The following PROKR2 variants were observed in gnomAD, a reference collection of about 807,000 sequenced individuals.
PROKR2 encodes G protein-coupled receptor 73-like 1.
In PROKR2, 26 loss-of-function variants were observed where a neutral mutation model predicts 23.4. That is an observed-to-expected ratio of 1.11 (90% CI 0.81 to 1.54). PROKR2 has a LOEUF of 1.54. PROKR2 is among the 40% of genes most tolerant of loss of function. The pLI is 0.00. For missense variants in PROKR2, 453 were observed against 511.5 expected (o/e 0.89, Z 1.10); for synonymous variants, 212 against 201.2 (o/e 1.05, Z -0.45).
At position 5,302,228 on chromosome 20, in the gene PROKR2, T is replaced by C; in HGVS notation, c.967A>G (p.Met323Val). The change falls in exon 3 of 3, where the codon ATG (methionine) becomes GTG (valine). Residue 323 changes from methionine (M) to valine (V), a missense_variant. Coordinates refer to ENST00000678254, the MANE Select transcript of PROKR2 (RefSeq NM_144773.4). ...TAFYVVECIA[M>V]SNSMINTVCF... is the part of the protein sequence containing the mutation. Reference sequence around the variant, plus strand: ...ACGGTGTTGATCATGCTGTTGCTCATGGCGATGCACTCGACCACGTAGAAG... The same window carrying C: ...ACGGTGTTGATCATGCTGTTGCTCACGGCGATGCACTCGACCACGTAGAAG... The C allele has an allele frequency of 6.2e-7, 1 of 1,614,210 alleles. No homozygotes were observed. Among genetic ancestry groups the C allele is most frequent in the Non-Finnish European group, 8.5e-7 (1 of 1,180,042 alleles).
intron 1 of PROKR2, among the ~76,000 whole-genome samples, chr20:5,314,642 TG>T (rs1979588808): frequency 6.6e-6 from 1 of 152,188 alleles, no homozygotes; most frequent in South Asian, 2.1e-4. Context: ...ACCTGAGATC[TG>T]TAAGTTGGGA....
At chr20:5,313,019 C>A (rs551629201) in intron 2 of PROKR2, among the ~76,000 whole-genome samples, 1 of 152,082 alleles carries the variant, frequency 6.6e-6, no homozygotes, top group Non-Finnish European at 1.5e-5. Context: ...TTGAATGTTT[C>A]CAACACAAAG....
chr20:5,316,560 T>G lies in PROKR2; in HGVS notation c.-75A>C. 2.9e-6 allele frequency: 1 copy of G among 345,564 alleles called. No homozygotes were observed. The highest frequency in any genetic ancestry group is 5.8e-6 in the Non-Finnish European group (1 of 172,590). The allele number at this position is 345,564 out of a possible 1,614,324, so 21.4% of individuals were successfully genotyped here. On this transcript the variant is annotated 5_prime_UTR_variant, in exon 1 of 3. Coordinates refer to ENST00000678254, the MANE Select transcript of PROKR2 (RefSeq NM_144773.4). The surrounding 1 kb of genome is among the most constrained non-coding windows in gnomAD (Gnocchi z 5.0). ...AGCCGGATCGAGAGTCACAGTGTGG[T>G]TGGGCGCAGGCGGGCCGCTCGGTTT...
chr20:5,310,533 T>C (rs1274107700), intron 2 of PROKR2, among the ~76,000 whole-genome samples: 1 of 151,746 alleles, frequency 6.6e-6, no homozygotes, highest in Non-Finnish European at 1.5e-5. Flanking sequence ...CATCCATCTT[T>C]CTTAGCATTT....
intron 2 of PROKR2, among the ~76,000 whole-genome samples, chr20:5,313,414 C>T (rs1979517785): frequency 6.6e-6 from 1 of 152,176 alleles, no homozygotes; most frequent in Non-Finnish European, 1.5e-5. Context: ...CATTAAAGAA[C>T]AGGTGAAACT....
chr20:5,314,400 G>T, intron 1 of PROKR2, 23 bp from the exon 2 acceptor site: 1 of 1,591,316 alleles, frequency 6.3e-7, no homozygotes, highest in Non-Finnish European at 8.6e-7. Context: ...TGGTGTGAGG[G>T]AGGTGCGAGG....
In PROKR2 at chr20:5,301,909, A is replaced by G; in HGVS notation, c.*131T>C. The G allele has an allele frequency of 1.3e-6, 1 of 760,548 alleles. No individual in the cohort carries two copies. The highest frequency in any genetic ancestry group is 2.1e-6 in the Non-Finnish European group (1 of 465,518). The allele number at this position is 760,548 out of a possible 1,614,324, so 47.1% of individuals were successfully genotyped here. A position where few individuals can be genotyped will look rare whatever the true frequency, so the allele number is the denominator to read the frequency against. On this transcript the variant is annotated 3_prime_UTR_variant, in exon 3 of 3. Coordinates refer to ENST00000678254, the MANE Select transcript of PROKR2 (RefSeq NM_144773.4). ...TCATTGTATGTTACGACTTTGCAGC[A>G]TTCAGCTTCTTGAGGGCACGGGGGA...
chr20:5,304,197 GA>G lies in PROKR2; in HGVS notation c.459-1462del, dbSNP rs532634702. The stretch of plus-strand genomic sequence containing the variant: ...ACTGCTCTTAGTTCTATTCAGGCAG[GA>G]ATTCAGCAACCTAGATGAGAGGGTG... On this transcript the variant is annotated intron_variant, in intron 2 of 2. Transcript: ENST00000678254. Among the ~76,000 whole-genome samples, 962 of 152,206 alleles carry G rather than the reference GA, an allele frequency of 6.3e-3. 2 individuals are homozygous for G. The highest frequency in any genetic ancestry group is 9.8e-3 in the Non-Finnish European group (668 of 68,012).
intron 2 of PROKR2, 57 bp from the exon 3 acceptor site, chr20:5,302,793 G>C: frequency 1.5e-6 from 2 of 1,321,222 alleles, no homozygotes; most frequent in Non-Finnish European, 2.2e-6. Context: ...ACGTTAGTTT[G>C]TAACTAACCC....
At position 5,302,529 on chromosome 20, in the gene PROKR2, G is replaced by T; in HGVS notation, c.666C>A (p.Ser222=). 6.2e-7 allele frequency: 1 copy of T among 1,614,226 alleles called. No individual in the cohort carries two copies. Among genetic ancestry groups the T allele is most frequent in the African/African-American group, 1.3e-5 (1 of 75,058 alleles). The change falls in exon 3 of 3, where the codon TCC becomes TCA. Residue 222 remains serine, a synonymous_variant. Transcript: ENST00000678254. ...CGACACCAAAGATGAAGAGGAAGTAGGACTTGTAGTAGAGCTGCTGATCCA... is the reference window on the plus strand; with the variant it reads ...CGACACCAAAGATGAAGAGGAAGTATGACTTGTAGTAGAGCTGCTGATCCA... ...WPVDQQLYYK[S]YFLFIFGVEF... is the part of the protein sequence containing the mutation.
chr20:5,308,706 C>A (rs1979322268), intron 2 of PROKR2, among the ~76,000 whole-genome samples: 1 of 152,156 alleles, frequency 6.6e-6, no homozygotes, highest in Non-Finnish European at 1.5e-5. Context: ...CCGAGCTGGT[C>A]TCAGCAGCTG....
At chr20:5,308,153 C>T (rs1320955041) in intron 2 of PROKR2, among the ~76,000 whole-genome samples, 3 of 151,554 alleles carry the variant, frequency 2.0e-5, no homozygotes, top group Non-Finnish European at 4.4e-5. Context: ...TTGCTTTTAT[C>T]GATTTGCAAA....
chr20:5,307,276 A>G (rs961735427), intron 2 of PROKR2, among the ~76,000 whole-genome samples: 3 of 152,224 alleles, frequency 2.0e-5, no homozygotes, highest in Non-Finnish European at 4.4e-5. Flanking sequence ...AATGGTAGCT[A>G]TGATAGCGGT....
At chr20:5,304,533 T>A (rs7265319) in intron 2 of PROKR2, among the ~76,000 whole-genome samples, 79,495 of 151,944 alleles carry the variant, frequency 0.52, 20,828 homozygotes, top group African/African-American at 0.57. Context: ...CCCAGGCCCA[T>A]CCTCAAATTA....
chr20:5,304,322 A>G (rs1979134198), intron 2 of PROKR2, among the ~76,000 whole-genome samples: 1 of 152,230 alleles, frequency 6.6e-6, no homozygotes, highest in African/African-American at 2.4e-5. Flanking sequence ...AATTACTCAA[A>G]TAATTTAAAC....
chr20:5,309,170 G>A (rs5012082), intron 2 of PROKR2, among the ~76,000 whole-genome samples: 77,612 of 151,970 alleles, frequency 0.51, 20,116 homozygotes, highest in African/African-American at 0.61. Context: ...TTGGGGGCAG[G>A]GACATCTCAC....
rs1416020759 is a variant in PROKR2, at chr20:5,316,648, C to T, written c.-163G>A. ...TGCGTGGGGGATGTCCCTCTTTTTT[C>T]CTCGCCCCGGCGGGCTCCTCCGGCG... On this transcript the variant is annotated 5_prime_UTR_variant, in exon 1 of 3. Transcript: ENST00000678254. This position sits in a 1 kb window ranked among gnomAD's most constrained non-coding sequence, Gnocchi z 5.0. Among the ~76,000 whole-genome samples, 2 of 152,248 alleles carry T rather than the reference C, an allele frequency of 1.3e-5. No individual in the cohort carries two copies. The highest frequency in any genetic ancestry group is 2.4e-5 in the African/African-American group (1 of 41,470).
chr20:5,302,419 T>C lies in PROKR2; in HGVS notation c.776A>G (p.Gln259Arg), dbSNP rs1979030780. The change falls in exon 3 of 3, where the codon CAG becomes CGG. Residue 259 changes from glutamine (Q) to arginine (R), a missense_variant. By Grantham distance (43) the Gln-to-Arg change is conservative. Coordinates refer to ENST00000678254, the MANE Select transcript of PROKR2 (RefSeq NM_144773.4). ...ELWFKAVPGF[Q>R]TEQIRKRLRC... ...CAGCCGCTTGCGAATCTGCTCCGTC[T>C]GGAACCCAGGGACTGCCTTGAACCA... is the stretch of plus-strand genomic sequence containing the variant. 8 of 1,614,100 alleles carry C rather than the reference T, an allele frequency of 5.0e-6. No individual in the cohort carries two copies. The highest frequency in any genetic ancestry group is 5.9e-6 in the Non-Finnish European group (7 of 1,180,040).
intron 1 of PROKR2, among the ~76,000 whole-genome samples, chr20:5,314,996 CA>C (rs1282632914): frequency 6.6e-6 from 1 of 152,218 alleles, no homozygotes; most frequent in Non-Finnish European, 1.5e-5. Context: ...ACTTGGAAAT[CA>C]CCAAGTTCAC....
Sources: allele counts gnomAD v4.1 joint callset (sites outside exome capture counted in the v4.1 genomes callset), GRCh38; gene constraint gnomAD v4.1.1; non-coding constraint Gnocchi (gnomAD v3.1); transcripts MANE v1.5; gene names NCBI Gene and HGNC (gene_info 2026-07-23, HGNC 2026-07-21).